Variants in DNAJC13 observed in about 807,000 individuals in gnomAD.
DNAJC13 encodes dnaJ homolog subfamily C member 13.
DNAJC13 carries 75 observed loss-of-function variants against 290.5 expected under a neutral mutation model. The ratio of observed to expected loss-of-function variants is 0.26; its 90% confidence interval spans 0.21 to 0.31. The LOEUF (loss-of-function observed/expected upper bound fraction) is 0.31, where lower values mean the gene tolerates loss of function less well. Among genes scored for constraint, DNAJC13 ranks in the 10% least tolerant of loss-of-function variants. The pLI, the probability that DNAJC13 is intolerant of heterozygous loss-of-function variation, is 1.00. For missense variants in DNAJC13, 2,260 were observed against 2,674.5 expected (o/e 0.85, Z 3.42); for synonymous variants, 862 against 892.0 (o/e 0.97, Z 0.60).
chr3:132,418,428 C>G (rs1938862126), intron 1 of DNAJC13, among the ~76,000 whole-genome samples: 1 of 152,144 alleles, frequency 6.6e-6, no homozygotes, highest in Non-Finnish European at 1.5e-5. Context: ...TGATACTTAA[C>G]TATGTTTAAG....
Position 132,538,598 on chromosome 3 carries a change from A to AT in DNAJC13, c.*326dup, listed in dbSNP as rs960447143. 3.1e-3 allele frequency: 563 copies of AT among 182,846 alleles called. 2 individuals carry two copies. Among genetic ancestry groups the AT allele is most frequent in the African/African-American group, 6.7e-3 (280 of 42,010 alleles). The allele number at this position is 182,846 out of a possible 1,614,324, so 11.3% of individuals were successfully genotyped here. A position where few individuals can be genotyped will look rare whatever the true frequency, so the allele number is the denominator to read the frequency against. ...CAAAACTTTCTTCCTAGTTTTTGTA[A>AT]TTTTTTTTTTGAACTAGCATGACTG... is the stretch of plus-strand genomic sequence containing the variant. On this transcript the variant is annotated 3_prime_UTR_variant, in exon 56 of 56. Transcript: ENST00000260818.
At chr3:132,479,480 T>C (rs868047018) in intron 25 of DNAJC13, among the ~76,000 whole-genome samples, 191 bp downstream of exon 25, 1 of 152,216 alleles carries the variant, frequency 6.6e-6, no homozygotes, top group South Asian at 2.1e-4. Flanking sequence ...TCTGTCTTAA[T>C]ATTGTGGGTG....
At chr3:132,461,253 C>T in intron 15 of DNAJC13, 48 bp downstream of exon 15, 1 of 1,587,614 alleles carries the variant, frequency 6.3e-7, no homozygotes. Flanking sequence ...TTTAAGGGAA[C>T]CGCTTTTAGG....
chr3:132,522,710 G>A (rs1178811508), intron 48 of DNAJC13, 118 bp from the exon 49 acceptor site: 1 of 817,986 alleles, frequency 1.2e-6, no homozygotes, highest in African/African-American at 1.7e-5. Context: ...TAATGGTTAT[G>A]GCCCACATAA....
At position 132,507,223 on chromosome 3, in the gene DNAJC13, C is replaced by A. The variant is rs1381745600; in HGVS notation, c.4999-14C>A. The A allele has an allele frequency of 2.7e-6, 4 of 1,508,966 alleles. No individual in the cohort carries two copies. In the South Asian group the frequency reaches 4.6e-5, roughly 17 times the overall value. 93.5% of individuals were successfully genotyped at this position (1,508,966 alleles called of 1,614,324 possible). On this transcript the variant is annotated splice_polypyrimidine_tract_variant and intron_variant, in intron 42 of 55. Coordinates refer to ENST00000260818, the MANE Select transcript of DNAJC13 (RefSeq NM_015268.4). ...ATTTACATCTAACAGTCTATTTTTT[C>A]ATCTTTTAAAAAGGGTGATTGTGAC...
chr3:132,466,406 T>C lies in DNAJC13; in HGVS notation c.2064+12T>C. On this transcript the variant is annotated intron_variant, in intron 19 of 55. Transcript: ENST00000260818. ...TGAAAATAGCAATGGTAAATATGAC[T>C]GTCCCAAGTGTGCCTTTTTTAGGAG... 6.4e-7 allele frequency: 1 copy of C among 1,562,824 alleles called. No individual in the cohort carries two copies. Among genetic ancestry groups the C allele is most frequent in the South Asian group, 1.2e-5 (1 of 81,606 alleles).
At chr3:132,536,527 C>G (rs1236764743) in intron 55 of DNAJC13, among the ~76,000 whole-genome samples, 1 of 152,194 alleles carries the variant, frequency 6.6e-6, no homozygotes. Context: ...GTCTTGTAAC[C>G]TACTATTTTG....
At chr3:132,493,720 A>G (rs1935138249) in intron 33 of DNAJC13, among the ~76,000 whole-genome samples, 1 of 152,094 alleles carries the variant, frequency 6.6e-6, no homozygotes, top group African/African-American at 2.4e-5. Flanking sequence ...TGAGAAGCAC[A>G]CCACAATATA....
At chr3:132,479,876 C>T (rs1934610618) in intron 25 of DNAJC13, among the ~76,000 whole-genome samples, 1 of 151,934 alleles carries the variant, frequency 6.6e-6, no homozygotes, top group Non-Finnish European at 1.5e-5. Context: ...TAGTTTTATT[C>T]TTAAGTAATG....
rs78064932 is a variant in DNAJC13 at position 132,520,054 on chromosome 3, C to T, written c.5674-2774C>T. Among the ~76,000 whole-genome samples, 933 of 152,152 alleles carry T rather than the reference C, an allele frequency of 6.1e-3. 3 individuals are homozygous for T. The highest frequency in any genetic ancestry group is 9.7e-3 in the Non-Finnish European group (661 of 68,006). On this transcript the variant is annotated intron_variant, in intron 48 of 55. Transcript: ENST00000260818. ...CAGAATAGCACGAGAAAGACCTGCC[C>T]CTGTGATTCAGTTACCTCCCACCGC...
At chr3:132,471,303 C>A (rs1277303112) in intron 20 of DNAJC13, among the ~76,000 whole-genome samples, 9 of 145,066 alleles carry the variant, frequency 6.2e-5, no homozygotes, top group African/African-American at 2.0e-4. Context: ...GCTGACCCCC[C>A]ACCTCCCTCC....
At position 132,496,618 on chromosome 3, in the gene DNAJC13, T is replaced by C; in HGVS notation, c.4111T>C (p.Leu1371=). 6.2e-7 allele frequency: 1 copy of C among 1,611,192 alleles called. No individual in the cohort carries two copies. The highest frequency in any genetic ancestry group is 8.5e-7 in the Non-Finnish European group (1 of 1,178,764). ...VDGPDPENII[L]ILKTQSILFN... is the part of the protein sequence containing the mutation. ...TGGGCCAGATCCAGAGAATATAATT[T>C]TAATTCTAAAAACACAGAGCATCCT... Residue 1371 remains leucine (L), a synonymous_variant, in exon 36 of 56, where the codon TTA becomes CTA. Coordinates refer to ENST00000260818, the MANE Select transcript of DNAJC13 (RefSeq NM_015268.4).
intron 25 of DNAJC13, 43 bp from the exon 26 acceptor site, chr3:132,480,326 T>C (rs1230064091): frequency 7.2e-7 from 1 of 1,392,618 alleles, no homozygotes; most frequent in Non-Finnish European, 1.0e-6. Context: ...TTTTAGGTTA[T>C]GAAAAATGTT....
At chr3:132,429,962 T>C (rs1322275853) in intron 1 of DNAJC13, among the ~76,000 whole-genome samples, 1 of 152,184 alleles carries the variant, frequency 6.6e-6, no homozygotes, top group Non-Finnish European at 1.5e-5. Flanking sequence ...ATATTGGACA[T>C]AGGAACTTGT....
chr3:132,507,288 A>G lies in DNAJC13; in HGVS notation c.5050A>G (p.Lys1684Glu), dbSNP rs765727330. The G allele has an allele frequency of 2.5e-6, 4 of 1,613,716 alleles. No homozygotes were observed. The highest frequency in any genetic ancestry group is 1.7e-5 in the Admixed American group (1 of 60,010). ...AGAATTTGTCTACAGTGATCATGCC[A>G]AAGAACTTATTGTAGGGGAGATTTT... ...GSEFVYSDHA[K>E]ELIVGEIFVR... Residue 1684 changes from lysine (K) to glutamate (E), a missense_variant, in exon 43 of 56, where the codon AAA becomes GAA. Lys to Glu is a moderately conservative substitution (Grantham distance 56). Coordinates refer to ENST00000260818, the MANE Select transcript of DNAJC13 (RefSeq NM_015268.4).
chr3:132,488,613 G>A (rs1003337042), intron 30 of DNAJC13, among the ~76,000 whole-genome samples, 161 bp downstream of exon 30: 32 of 152,024 alleles, frequency 2.1e-4, no homozygotes, highest in African/African-American at 7.5e-4. Flanking sequence ...AAGAATGGGG[G>A]AAAATTACTC....
At chr3:132,452,595 G>C (rs1030985536) in intron 6 of DNAJC13, among the ~76,000 whole-genome samples, 1 of 151,912 alleles carries the variant, frequency 6.6e-6, no homozygotes, top group Non-Finnish European at 1.5e-5. Flanking sequence ...AGTTCAAAAT[G>C]TTCCAAAATC....
chr3:132,487,330 C>T (rs1359205118), intron 29 of DNAJC13, among the ~76,000 whole-genome samples: 1 of 152,000 alleles, frequency 6.6e-6, no homozygotes, highest in Non-Finnish European at 1.5e-5. Context: ...AATCTCTGCT[C>T]ACTGCAACCT....
chr3:132,471,193 G>A lies in DNAJC13; in HGVS notation c.2209-1952G>A, dbSNP rs534347443. On this transcript the variant is annotated intron_variant, in intron 20 of 55. Transcript: ENST00000260818. Reference sequence around the variant, plus strand: ...TCCTCACTTCCCAGTAGGGGCGGCCGGGCAGAGGCACCCCTCACCTCCCGG... The same window carrying A: ...TCCTCACTTCCCAGTAGGGGCGGCCAGGCAGAGGCACCCCTCACCTCCCGG... Among the ~76,000 whole-genome samples, 53 of 133,618 alleles carry A rather than the reference G, an allele frequency of 4.0e-4. 1 individual carries two copies. The highest frequency in any genetic ancestry group is 1.3e-3 in the African/African-American group (45 of 35,984). The allele number at this position is 133,618 out of a possible 152,430, so 87.7% of individuals were successfully genotyped here. A position where few individuals can be genotyped will look rare whatever the true frequency, so the allele number is the denominator to read the frequency against.
Sources: allele counts gnomAD v4.1 joint callset (sites outside exome capture counted in the v4.1 genomes callset), GRCh38; gene constraint gnomAD v4.1.1; transcripts MANE v1.5; gene names NCBI Gene and HGNC (gene_info 2026-07-23, HGNC 2026-07-21).